CNTNAP2: variants seen among roughly 807,000 people sequenced by gnomAD.
CNTNAP2 encodes the protein contactin associated protein 2.
In CNTNAP2, 98 loss-of-function variants were observed where a neutral mutation model predicts 155.2. That is an observed-to-expected ratio of 0.63 (90% CI 0.54 to 0.75). CNTNAP2 has a LOEUF of 0.75. CNTNAP2 is among the 30% of genes least tolerant of loss of function. The probability of loss-of-function intolerance (pLI) is 0.00; values close to 1 mark genes in which losing one functional copy is unlikely to be tolerated. For missense variants in CNTNAP2, 1,727 were observed against 1,688.1 expected (o/e 1.02, Z -0.40); for synonymous variants, 651 against 631.2 (o/e 1.03, Z -0.47).
chr7:146,444,846 C>A (rs913228257), intron 1 of CNTNAP2, among the ~76,000 whole-genome samples: 7 of 151,446 alleles, frequency 4.6e-5, no homozygotes, highest in Non-Finnish European at 1.0e-4. Context: ...TTAGTGGAGA[C>A]AGCTTTCACC....
rs1324403053 is a variant in CNTNAP2, at chr7:147,198,930, G to T, written c.1348+66421G>T. 2.7e-5 allele frequency among the ~76,000 whole-genome samples: 4 copies of T among 148,276 alleles called. No individual in the cohort carries two copies. The East Asian group carries it at 7.9e-4, about 29-fold the overall frequency. On this transcript the variant is annotated intron_variant, in intron 8 of 23. Transcript: ENST00000361727. ...AGAAAGAGCAATGGCCTGGAATATT[G>T]CCCTCTAACTAGCTAATCAAAGGAC...
chr7:147,785,083 G>A (rs1369752680), intron 13 of CNTNAP2, among the ~76,000 whole-genome samples: 1 of 152,148 alleles, frequency 6.6e-6, no homozygotes, highest in East Asian at 1.9e-4. Flanking sequence ...CACATAGCAA[G>A]TAGGCAATTG....
chr7:148,291,778 G>A (rs376755084), intron 21 of CNTNAP2, among the ~76,000 whole-genome samples: 2 of 152,030 alleles, frequency 1.3e-5, no homozygotes, highest in Non-Finnish European at 2.9e-5. Context: ...ATTCCAAAAC[G>A]TCATGTTGTA....
At chr7:146,279,216 CTTTGTTGTG>C (rs2129084549) in intron 1 of CNTNAP2, among the ~76,000 whole-genome samples, 2 of 152,106 alleles carry the variant, frequency 1.3e-5, no homozygotes, top group East Asian at 3.9e-4. Context: ...ATGTTGTTGT[CTTTGTTGTG>C]TTTAAAATAT....
At chr7:147,513,959 A>G (rs1169047928) in intron 11 of CNTNAP2, among the ~76,000 whole-genome samples, 1 of 152,188 alleles carries the variant, frequency 6.6e-6, no homozygotes, top group Admixed American at 6.5e-5. Flanking sequence ...CTGAAGGCCA[A>G]CCACCACCAC....
chr7:148,242,590 C>T (rs890115297), intron 20 of CNTNAP2, among the ~76,000 whole-genome samples: 1 of 152,212 alleles, frequency 6.6e-6, no homozygotes, highest in African/African-American at 2.4e-5. Flanking sequence ...TTGCATCTGT[C>T]GCGGATACCG....
At chr7:148,312,456 G>A (rs1212003229) in intron 21 of CNTNAP2, among the ~76,000 whole-genome samples, 1 of 152,192 alleles carries the variant, frequency 6.6e-6, no homozygotes, top group Non-Finnish European at 1.5e-5. Context: ...TGAGCCTGAT[G>A]GGTGTGAGGG....
intron 8 of CNTNAP2, among the ~76,000 whole-genome samples, chr7:147,256,839 T>A (rs957169442): frequency 6.6e-6 from 1 of 151,764 alleles, no homozygotes; most frequent in African/African-American, 2.4e-5. Flanking sequence ...GGAGGAAGAT[T>A]TGGATATAAT....
intron 11 of CNTNAP2, among the ~76,000 whole-genome samples, chr7:147,524,587 A>G (rs893217473): frequency 6.6e-6 from 1 of 152,158 alleles, no homozygotes; most frequent in Non-Finnish European, 1.5e-5. Flanking sequence ...TAATTCAGGG[A>G]CTCTGGAGGG....
chr7:148,271,243 A>G (rs1332578253), intron 21 of CNTNAP2, among the ~76,000 whole-genome samples: 1 of 152,228 alleles, frequency 6.6e-6, no homozygotes, highest in Admixed American at 6.5e-5. Context: ...GCTCAAAACT[A>G]TTAAGTTTTC....
At chr7:146,162,335 A>T (rs1170585199) in intron 1 of CNTNAP2, among the ~76,000 whole-genome samples, 2 of 152,180 alleles carry the variant, frequency 1.3e-5, no homozygotes, top group Non-Finnish European at 2.9e-5. Flanking sequence ...CCCCATCAAA[A>T]AGTGGGCAAA....
intron 1 of CNTNAP2, among the ~76,000 whole-genome samples, chr7:146,413,760 C>T (rs994517671): frequency 2.0e-5 from 3 of 151,832 alleles, no homozygotes; most frequent in Non-Finnish European, 2.9e-5. Flanking sequence ...ATAATTTTCC[C>T]GAGTGGGGCA....
chr7:147,876,164 G>A (rs1043410083), intron 13 of CNTNAP2, among the ~76,000 whole-genome samples: 4 of 152,104 alleles, frequency 2.6e-5, no homozygotes, highest in East Asian at 1.9e-4. Context: ...CTTCGAATGC[G>A]TGAGTGTCTC....
chr7:147,210,825 G>A (rs567195437), intron 8 of CNTNAP2, among the ~76,000 whole-genome samples: 21 of 151,842 alleles, frequency 1.4e-4, no homozygotes, highest in Non-Finnish European at 2.8e-4. Context: ...TAATTTTCCT[G>A]TTCATTCAAA....
intron 13 of CNTNAP2, among the ~76,000 whole-genome samples, chr7:147,731,111 C>G (rs2035836836): frequency 6.6e-6 from 1 of 152,104 alleles, no homozygotes; most frequent in African/African-American, 2.4e-5. Flanking sequence ...CAAGGTGAAA[C>G]AGCAAATGCT....
In CNTNAP2 at chr7:147,505,079, G is replaced by A. The variant is rs113524748; in HGVS notation, c.1777+19038G>A. Among the ~76,000 whole-genome samples, 60 of 151,972 alleles carry A rather than the reference G, an allele frequency of 3.9e-4. 2 individuals carry two copies. Among genetic ancestry groups the A allele is most frequent in the African/African-American group, 9.4e-4 (39 of 41,398 alleles). On this transcript the variant is annotated intron_variant, in intron 11 of 23. Coordinates refer to ENST00000361727, the MANE Select transcript of CNTNAP2 (RefSeq NM_014141.6). ...ATACATCCCCACATAGATTTTCCCC[G>A]TTTCTATAAAGGATGAAGATTCAAA...
chr7:147,874,849 C>T (rs755505188), intron 13 of CNTNAP2, among the ~76,000 whole-genome samples: 1 of 152,176 alleles, frequency 6.6e-6, no homozygotes, highest in Non-Finnish European at 1.5e-5. Flanking sequence ...CCTAAATTAT[C>T]TCACTCAAGT....
chr7:147,789,158 C>T (rs112428203), intron 13 of CNTNAP2, among the ~76,000 whole-genome samples: 30,551 of 151,874 alleles, frequency 0.2, 3,428 homozygotes, highest in Middle Eastern at 0.34. Context: ...CTGCCCGCCT[C>T]GGCCTCCCAA....
intron 1 of CNTNAP2, among the ~76,000 whole-genome samples, chr7:146,340,781 T>G (rs1305759762): frequency 6.6e-6 from 1 of 152,176 alleles, no homozygotes; most frequent in African/African-American, 2.4e-5. Context: ...CTACATCATA[T>G]TTTATGAGTT....
Sources: allele counts gnomAD v4.1 joint callset (sites outside exome capture counted in the v4.1 genomes callset), GRCh38; gene constraint gnomAD v4.1.1; transcripts MANE v1.5; gene names NCBI Gene and HGNC (gene_info 2026-07-23, HGNC 2026-07-21).